Variants in DIDO1 observed in about 807,000 individuals in gnomAD.
DIDO1 encodes the protein death-inducer obliterator 1.
In DIDO1, 16 loss-of-function variants were observed where a neutral mutation model predicts 99.4. The observed-to-expected ratio is 0.16, with a 90% CI of 0.11 to 0.24. DIDO1 has a LOEUF of 0.24. Among genes scored for constraint, DIDO1 ranks in the 10% least tolerant of loss-of-function variants. DIDO1 has a pLI of 1.00. For missense variants in DIDO1, 2,996 were observed against 3,014.0 expected, an observed-to-expected ratio of 0.99 and a Z score of 0.14; for synonymous variants, 1,366 against 1,239.1, an observed-to-expected ratio of 1.10 and a Z score of -2.15.
intron 1 of DIDO1, among the ~76,000 whole-genome samples, 189 bp downstream of exon 1, chr20:62,926,250 G>A (rs2065251972): frequency 5.6e-5 from 5 of 89,772 alleles, no homozygotes; most frequent in Admixed American, 5.3e-4. Flanking sequence ...GACCGGCCCC[G>A]CCCGCTCGCC....
intron 1 of DIDO1, among the ~76,000 whole-genome samples, chr20:62,919,024 G>A (rs944460425): frequency 6.6e-5 from 10 of 152,108 alleles, no homozygotes; most frequent in African/African-American, 2.4e-4. Flanking sequence ...AGCAGCAGCC[G>A]TTCATGTACC....
At position 62,881,544 on chromosome 20, in the gene DIDO1, G is replaced by A. The variant is rs772771482; in HGVS notation, c.4412C>T (p.Ser1471Phe). 5 of 1,611,744 alleles carry A rather than the reference G, an allele frequency of 3.1e-6. No homozygotes were observed. The highest frequency in any genetic ancestry group is 4.2e-6 in the Non-Finnish European group (5 of 1,180,018). Residue 1471 changes from serine (S) to phenylalanine (F), a missense_variant, in exon 16 of 16, where the codon TCC (serine) becomes TTC (phenylalanine). Ser to Phe is a radical substitution (Grantham distance 155). This residue lies in a region of DIDO1 where 1,562 missense variants were observed against 1,412.6 expected (regional missense o/e 1.11). Coordinates refer to ENST00000395343, the MANE Select transcript of DIDO1 (RefSeq NM_001193369.2). This position sits in a 1 kb window ranked among gnomAD's most constrained non-coding sequence, Gnocchi z 8.3. The part of the protein sequence containing the change: ...AEPVAGAATP[S>F]LVEQQKMLEE... ...TAGCATCTTCTGTTGCTCCACCAGG[G>A]AGGGCGTCGCAGCCCCGGCCACCGG... is the stretch of plus-strand genomic sequence containing the variant.
At position 62,878,301 on chromosome 20, in the gene DIDO1, C is replaced by A. The variant is rs143245220; in HGVS notation, c.*932G>T. 1 of 152,326 alleles carries A rather than the reference C, an allele frequency of 6.6e-6. No individual in the cohort carries two copies. Among genetic ancestry groups the A allele is most frequent in the African/African-American group, 2.4e-5 (1 of 41,572 alleles). 9.4% of individuals were successfully genotyped at this position (152,326 alleles called of 1,614,324 possible). A position where few individuals can be genotyped will look rare whatever the true frequency, so the allele number is the denominator to read the frequency against. On this transcript the variant is annotated 3_prime_UTR_variant, in exon 16 of 16. Transcript: ENST00000395343. ...AGTGAACAGCTTCCTGTCTCATTTGCAGTTCTTGAGCTAGTGATCACTAGT... is the reference window on the plus strand; with the variant it reads ...AGTGAACAGCTTCCTGTCTCATTTGAAGTTCTTGAGCTAGTGATCACTAGT...
intron 15 of DIDO1, chr20:62,888,940 C>T: frequency 8.1e-6 from 8 of 985,462 alleles, no homozygotes; most frequent in Non-Finnish European, 9.6e-6. Context: ...GTTTCACTAG[C>T]TGTTACTTTT....
At chr20:62,885,509 C>T (rs1183889126) in intron 15 of DIDO1, among the ~76,000 whole-genome samples, 1 of 152,170 alleles carries the variant, frequency 6.6e-6, no homozygotes, top group African/African-American at 2.4e-5. Flanking sequence ...TGGCAAGACT[C>T]GTTAGTCTTG....
At chr20:62,916,400 ACT>A (rs1255625763) in intron 1 of DIDO1, among the ~76,000 whole-genome samples, 2 of 152,214 alleles carry the variant, frequency 1.3e-5, no homozygotes, top group Admixed American at 6.5e-5. Flanking sequence ...GAGGACACAC[ACT>A]GACTTCCAAA....
Position 62,905,888 on chromosome 20 carries a change from T to C in DIDO1, c.1587A>G (p.Lys529=), listed in dbSNP as rs1403031010. ...GGCCAACCCCTAGGTGATACATACA[T>C]TTATACAACAGTGACGGCGAGGGAG... The part of the protein sequence containing the change: ...TAAPSPSLLY[K]STKEDRRSEE... Residue 529 remains lysine (K), a splice_region_variant and synonymous_variant, in exon 6 of 16, where the codon AAA becomes AAG. Coordinates refer to ENST00000395343, the MANE Select transcript of DIDO1 (RefSeq NM_001193369.2). 2 of 1,614,160 alleles carry C rather than the reference T, an allele frequency of 1.2e-6. No homozygotes were observed. Among genetic ancestry groups the C allele is most frequent in the East Asian group, 2.2e-5 (1 of 44,886 alleles).
At chr20:62,903,192 G>A (rs1435628704) in intron 6 of DIDO1, among the ~76,000 whole-genome samples, 1 of 152,208 alleles carries the variant, frequency 6.6e-6, no homozygotes, top group Non-Finnish European at 1.5e-5. Flanking sequence ...GAGGAACAAG[G>A]TGAGGCTGTG....
rs1383828847 is a variant in DIDO1, at chr20:62,894,771, G to A, written c.2436+39C>T. ...ACCTCAAAACATTTGGGATGGATTA[G>A]TCTATTCTCGGTGAACACAAAATCT... On this transcript the variant is annotated intron_variant, in intron 10 of 15. Coordinates refer to ENST00000395343, the MANE Select transcript of DIDO1 (RefSeq NM_001193369.2). The surrounding 1 kb of genome is among the most constrained non-coding windows in gnomAD (Gnocchi z 4.4). The A allele has an allele frequency of 6.3e-7, 1 of 1,580,922 alleles. No homozygotes were observed. Among genetic ancestry groups the A allele is most frequent in the South Asian group, 1.1e-5 (1 of 89,522 alleles).
chr20:62,916,752 T>C (rs2065045262), intron 1 of DIDO1, among the ~76,000 whole-genome samples: 1 of 152,202 alleles, frequency 6.6e-6, no homozygotes, highest in Non-Finnish European at 1.5e-5. Context: ...GATAGGTCTT[T>C]AGAATGGAGT....
intron 6 of DIDO1, 105 bp from the exon 7 acceptor site, chr20:62,897,101 C>T (rs998374893): frequency 2.9e-6 from 3 of 1,028,762 alleles, no homozygotes; most frequent in East Asian, 5.2e-5. Flanking sequence ...GCCCACCTGG[C>T]ATTACTGAAT....
chr20:62,904,426 T>C (rs983845685), intron 6 of DIDO1, among the ~76,000 whole-genome samples: 5 of 152,214 alleles, frequency 3.3e-5, no homozygotes, highest in Admixed American at 6.5e-5. Context: ...CTAGGCTGTT[T>C]ACATGATCAA....
intron 1 of DIDO1, among the ~76,000 whole-genome samples, 173 bp downstream of exon 1, chr20:62,926,266 G>C (rs2065252992): frequency 6.7e-6 from 1 of 149,698 alleles, no homozygotes; most frequent in South Asian, 2.1e-4. Context: ...TCGCCCGCCC[G>C]CCCGCCCGCT....
Position 62,879,711 on chromosome 20 carries a change from G to A in DIDO1, c.6245C>T (p.Thr2082Ile). Residue 2082 changes from threonine (T) to isoleucine (I), a missense_variant, in exon 16 of 16, where the codon ACT becomes ATT. Around this residue, in one of 5 missense-constraint regions of DIDO1, gnomAD observed 1,562 missense variants for 1,412.6 expected, o/e 1.11. Coordinates refer to ENST00000395343, the MANE Select transcript of DIDO1 (RefSeq NM_001193369.2). The surrounding 1 kb of genome is among the most constrained non-coding windows in gnomAD (Gnocchi z 6.3). ...EGKGHEYRNQ[T>I]FEGRQRERFD... ...CCGCTCTCTCTGCCTCCCTTCGAAA[G>A]TCTGGTTTCTGTATTCGTGGCCTTT... 1 of 1,611,528 alleles carries A rather than the reference G, an allele frequency of 6.2e-7. No individual in the cohort carries two copies. The highest frequency in any genetic ancestry group is 1.1e-5 in the South Asian group (1 of 91,082).
chr20:62,936,938 T>A (rs764061298), intron 1 of DIDO1, among the ~76,000 whole-genome samples: 2 of 152,270 alleles, frequency 1.3e-5, no homozygotes, highest in Non-Finnish European at 2.9e-5. Context: ...ATTACTGGCA[T>A]GTACTGCCTC....
At chr20:62,931,335 G>A (rs963041433), upstream of DIDO1, among the ~76,000 whole-genome samples, 35 of 152,080 alleles carry the variant, frequency 2.3e-4, no homozygotes, top group African/African-American at 8.5e-4. Flanking sequence ...GTTTCTCTAA[G>A]GTGTCTAAGT....
chr20:62,911,363 G>A lies in DIDO1; in HGVS notation c.250C>T (p.Arg84Cys), dbSNP rs751584757. Reference protein sequence around the residue: ...VEQFLTIARRRGRRSMPVSLE... With the variant: ...VEQFLTIARRCGRRSMPVSLE... ...GAGACAGGCATGCTCCTCCTGCCGC[G>A]GCGCCGCGCAATGGTCAGGAACTGC... is the stretch of plus-strand genomic sequence containing the variant. Residue 84 changes from arginine (R) to cysteine (C), a missense_variant, in exon 3 of 16, where the codon CGC becomes TGC. Coordinates refer to ENST00000395343, the MANE Select transcript of DIDO1 (RefSeq NM_001193369.2). This position sits in a 1 kb window ranked among gnomAD's most constrained non-coding sequence, Gnocchi z 7.0. The A allele has an allele frequency of 6.2e-7, 1 of 1,610,436 alleles. No individual in the cohort carries two copies. Among genetic ancestry groups the A allele is most frequent in the Non-Finnish European group, 8.5e-7 (1 of 1,179,970 alleles).
chr20:62,893,188 G>A (rs918940555), intron 12 of DIDO1, among the ~76,000 whole-genome samples: 9 of 152,228 alleles, frequency 5.9e-5, no homozygotes, highest in African/African-American at 1.4e-4. Flanking sequence ...ACCACACCTA[G>A]CTAATTTTTG....
chr20:62,907,535 A>G (rs750183596), intron 4 of DIDO1, among the ~76,000 whole-genome samples, 176 bp from the exon 5 acceptor site: 7 of 152,254 alleles, frequency 4.6e-5, no homozygotes, highest in Non-Finnish European at 1.0e-4. Context: ...AAAGCCAGGT[A>G]AGGCATTCAC....
Sources: allele counts gnomAD v4.1 joint callset (sites outside exome capture counted in the v4.1 genomes callset), GRCh38; gene constraint gnomAD v4.1.1; regional missense constraint gnomAD v4.1.1; non-coding constraint Gnocchi (gnomAD v3.1); transcripts MANE v1.5; gene names NCBI Gene and HGNC (gene_info 2026-07-23, HGNC 2026-07-21).